Variants in STX17 observed in about 807,000 individuals in gnomAD.
The protein encoded by STX17 is syntaxin-17.
In STX17, 29 loss-of-function variants were observed where a neutral mutation model predicts 35.9. The observed-to-expected ratio is 0.81, with a 90% CI of 0.60 to 1.10. STX17 has a LOEUF of 1.10. STX17 is among the 50% of genes least tolerant of loss of function. The pLI is 0.00. For missense variants in STX17, 312 were observed against 352.3 expected (o/e 0.89, Z 0.92); for synonymous variants, 92 against 118.3 (o/e 0.78, Z 1.44).
chr9:99,906,845 T>A (rs1211392428), intron 1 of STX17, 139 bp downstream of exon 1: 1 of 152,310 alleles, frequency 6.6e-6, no homozygotes, highest in Non-Finnish European at 1.5e-5. Context: ...CCATGGTGGC[T>A]CCTCCTGTTT....
chr9:99,926,700 A>G (rs972427367), intron 2 of STX17, among the ~76,000 whole-genome samples: 1 of 152,010 alleles, frequency 6.6e-6, no homozygotes, highest in East Asian at 1.9e-4. Flanking sequence ...GGGTTTCACC[A>G]TATTAGCCAG....
chr9:99,921,413 T>C (rs938421507), intron 2 of STX17, among the ~76,000 whole-genome samples: 4 of 152,178 alleles, frequency 2.6e-5, no homozygotes, highest in Non-Finnish European at 4.4e-5. Context: ...TGCTGGACTT[T>C]ACAGTTATCA....
intron 2 of STX17, among the ~76,000 whole-genome samples, chr9:99,928,394 C>T (rs979880981): frequency 4.0e-5 from 6 of 151,814 alleles, no homozygotes; most frequent in South Asian, 2.1e-4. Flanking sequence ...TCATGACAAA[C>T]GTACAATTCT....
chr9:99,939,106 A>G (rs1224564215), intron 3 of STX17, among the ~76,000 whole-genome samples: 1 of 152,210 alleles, frequency 6.6e-6, no homozygotes, highest in Admixed American at 6.5e-5. Flanking sequence ...CACTTGAGCT[A>G]TCTACTTTTT....
rs987297571 is a variant in STX17 at position 99,969,384 on chromosome 9, C to A, written c.*711C>A. ...GGTCTGTCAGCCTGTCTTCTAACAC[C>A]TCAAAGATCTTGTGCCCTGTGCTGT... On this transcript the variant is annotated 3_prime_UTR_variant, in exon 8 of 8. Coordinates refer to ENST00000259400, the MANE Select transcript of STX17 (RefSeq NM_017919.3). The A allele has an allele frequency of 6.6e-6, 1 of 152,114 alleles. No homozygotes were observed. The highest frequency in any genetic ancestry group is 1.5e-5 in the Non-Finnish European group (1 of 68,040). 9.4% of individuals were successfully genotyped at this position (152,114 alleles called of 1,614,324 possible). A position where few individuals can be genotyped will look rare whatever the true frequency, so the allele number is the denominator to read the frequency against.
intron 1 of STX17, among the ~76,000 whole-genome samples, chr9:99,908,234 T>G (rs1828589417): frequency 6.7e-6 from 1 of 150,132 alleles, no homozygotes; most frequent in African/African-American, 2.4e-5. Flanking sequence ...GTCTTATTTT[T>G]CTCCTTATAA....
At chr9:99,951,317 C>T (rs1829589732) in intron 4 of STX17, 32 bp downstream of exon 4, 1 of 1,587,734 alleles carries the variant, frequency 6.3e-7, no homozygotes. Context: ...TATTCTCAGT[C>T]ACAGTAGTGC....
At chr9:99,949,942 T>TACACACACACACAC (rs58226718) in intron 3 of STX17, among the ~76,000 whole-genome samples, 1 of 149,088 alleles carries the variant, frequency 6.7e-6, no homozygotes, top group African/African-American at 2.5e-5. Flanking sequence ...CACACATGTA[T>TACACACACACACAC]ACACACACAC....
chr9:99,954,630 A>C (rs1214230001), intron 4 of STX17, among the ~76,000 whole-genome samples: 1 of 151,924 alleles, frequency 6.6e-6, no homozygotes, highest in Non-Finnish European at 1.5e-5. Context: ...TTTGCTTTAG[A>C]TACTTATTAT....
chr9:99,926,641 G>A (rs2118360940), intron 2 of STX17, among the ~76,000 whole-genome samples: 1 of 152,092 alleles, frequency 6.6e-6, no homozygotes, highest in African/African-American at 2.4e-5. Context: ...GGGACTACAG[G>A]TGCCTGTCAC....
chr9:99,960,802 G>A (rs948866052), intron 6 of STX17, among the ~76,000 whole-genome samples: 1 of 152,166 alleles, frequency 6.6e-6, no homozygotes, highest in Non-Finnish European at 1.5e-5. Context: ...GAGCTTTCAA[G>A]CATGATGGCT....
At chr9:99,963,894 A>G in intron 6 of STX17, among the ~76,000 whole-genome samples, 1 of 152,154 alleles carries the variant, frequency 6.6e-6, no homozygotes, top group East Asian at 1.9e-4. Context: ...AGTATATAGA[A>G]TATATCATAG....
intron 3 of STX17, among the ~76,000 whole-genome samples, chr9:99,941,777 T>C (rs1238615881): frequency 6.6e-6 from 1 of 152,210 alleles, no homozygotes; most frequent in Non-Finnish European, 1.5e-5. Flanking sequence ...ACAAGATATC[T>C]TTTGTGTCTG....
intron 6 of STX17, among the ~76,000 whole-genome samples, chr9:99,962,057 C>T (rs749666394): frequency 1.3e-5 from 2 of 152,096 alleles, no homozygotes; most frequent in Non-Finnish European, 2.9e-5. Flanking sequence ...CTCACTCTAT[C>T]CCACCCCACC....
rs933554041 is a variant in STX17, at chr9:99,970,396, A to G, written c.*1723A>G. The G allele has an allele frequency of 2.0e-5, 3 of 152,186 alleles. No homozygotes were observed. Among genetic ancestry groups the G allele is most frequent in the African/African-American group, 7.2e-5 (3 of 41,432 alleles). 9.4% of individuals were successfully genotyped at this position (152,186 alleles called of 1,614,324 possible). On this transcript the variant is annotated 3_prime_UTR_variant, in exon 8 of 8. Coordinates refer to ENST00000259400, the MANE Select transcript of STX17 (RefSeq NM_017919.3). ...ACATATTAATAATACCAAGAAGGAAATACTTTGAATAAGTGTCAGATTCTG... is the reference window on the plus strand; with the variant it reads ...ACATATTAATAATACCAAGAAGGAAGTACTTTGAATAAGTGTCAGATTCTG...
At chr9:99,930,705 A>G (rs530730575) in intron 3 of STX17, among the ~76,000 whole-genome samples, 1 of 152,122 alleles carries the variant, frequency 6.6e-6, no homozygotes, top group South Asian at 2.1e-4. Flanking sequence ...CTATTTTCCT[A>G]GGTATTATGC....
At chr9:99,929,025 T>C (rs1236444196) in intron 3 of STX17, 182 bp downstream of exon 3, 5 of 518,352 alleles carry the variant, frequency 9.6e-6, no homozygotes, top group Non-Finnish European at 1.7e-5. Flanking sequence ...AGTTTTGTTT[T>C]GTTACCAAAT....
chr9:99,934,642 T>G (rs1343946676), intron 3 of STX17, among the ~76,000 whole-genome samples: 1 of 152,198 alleles, frequency 6.6e-6, no homozygotes, highest in African/African-American at 2.4e-5. Context: ...TCTAAGTTAT[T>G]TAAATGTTTA....
intron 6 of STX17, chr9:99,967,361 G>C (rs1015953942): frequency 2.0e-5 from 4 of 204,978 alleles, no homozygotes; most frequent in African/African-American, 9.2e-5. Context: ...TTTCTGGAAA[G>C]TAGATTCATT....
Sources: gnomAD v4.1 joint callset for allele counts (sites outside exome capture counted in the v4.1 genomes callset) on GRCh38, gnomAD v4.1.1 for gene constraint, MANE v1.5 for transcripts, NCBI Gene and HGNC (gene_info 2026-07-23, HGNC 2026-07-21) for gene names.